Variants in CTNND2 observed in about 807,000 individuals in gnomAD.
CTNND2 encodes catenin delta 2, also known as catenin delta-2.
A neutral mutation model predicts 144.4 loss-of-function variants in CTNND2; 22 were observed. The ratio of observed to expected loss-of-function variants is 0.15; its 90% confidence interval spans 0.11 to 0.22. CTNND2 has a LOEUF of 0.22. Among genes scored for constraint, CTNND2 ranks in the 10% least tolerant of loss-of-function variants. The probability of loss-of-function intolerance (pLI) is 1.00; values close to 1 mark genes in which losing one functional copy is unlikely to be tolerated. For synonymous variants in CTNND2, 751 were observed against 695.6 expected (o/e 1.08, Z -1.25); for missense variants, 1,353 against 1,618.8 (o/e 0.84, Z 2.82).
chr5:11,628,918 C>T (rs1388292208), intron 2 of CTNND2, among the ~76,000 whole-genome samples: 1 of 152,036 alleles, frequency 6.6e-6, no homozygotes, highest in Non-Finnish European at 1.5e-5. Context: ...CAAAAGCTGG[C>T]AGGAAAAACT....
At chr5:11,601,172 A>G (rs1298433139) in intron 2 of CTNND2, among the ~76,000 whole-genome samples, 1 of 152,234 alleles carries the variant, frequency 6.6e-6, no homozygotes, top group Non-Finnish European at 1.5e-5. Flanking sequence ...GAACATGCAT[A>G]TGCATATTTC....
At chr5:11,563,192 G>T (rs1453985077) in intron 3 of CTNND2, among the ~76,000 whole-genome samples, 1 of 152,214 alleles carries the variant, frequency 6.6e-6, no homozygotes, top group Non-Finnish European at 1.5e-5. Context: ...AGGGGCTGGA[G>T]TTGCATGAAA....
intron 9 of CTNND2, among the ~76,000 whole-genome samples, chr5:11,258,885 A>G (rs886328578): frequency 7.9e-5 from 12 of 152,218 alleles, no homozygotes; most frequent in African/African-American, 2.9e-4. Context: ...CACAGAAAAG[A>G]TCAGCTAATT....
chr5:11,814,346 A>G (rs1792512570), intron 1 of CTNND2, among the ~76,000 whole-genome samples: 1 of 152,270 alleles, frequency 6.6e-6, no homozygotes, highest in Non-Finnish European at 1.5e-5. Flanking sequence ...CAGTGGACAA[A>G]CATCTAATTA....
At chr5:11,094,437 C>A (rs1751117078) in intron 15 of CTNND2, among the ~76,000 whole-genome samples, 1 of 151,764 alleles carries the variant, frequency 6.6e-6, no homozygotes, top group African/African-American at 2.4e-5. Context: ...TATCTACTCT[C>A]CCTCCTTATG....
Position 11,497,372 on chromosome 5 carries a change from G to A in CTNND2, c.287+67572C>T, listed in dbSNP as rs369372289. Among the ~76,000 whole-genome samples, 6 of 152,088 alleles carry A rather than the reference G, an allele frequency of 3.9e-5. No individual in the cohort carries two copies. The East Asian group carries it at 7.7e-4, about 20-fold the overall frequency. On this transcript the variant is annotated intron_variant, in intron 3 of 21. Transcript: ENST00000304623. ...ACGATGCAAATAGAAATTATGATGG[G>A]TGCTGCAGGAAGGAGTAGGGAGCTG...
In CTNND2 at chr5:11,366,591, A is replaced by T. The variant is rs576898387; in HGVS notation, c.1178-1701T>A. Among the ~76,000 whole-genome samples, 16 of 152,334 alleles carry T rather than the reference A, an allele frequency of 1.1e-4. No homozygotes were observed. In the East Asian group the frequency reaches 2.3e-3, roughly 22 times the overall value. ...TCAAGCTTAAATTTTCCAGGAATAT[A>T]TTTAAGTACAGTATGCTTTGAGTTC... On this transcript the variant is annotated intron_variant, in intron 7 of 21. Coordinates refer to ENST00000304623, the MANE Select transcript of CTNND2 (RefSeq NM_001332.4).
At position 11,129,155 on chromosome 5, in the gene CTNND2, A is replaced by AT. The variant is rs1561352762; in HGVS notation, c.2160-11589_2160-11588insA. 7.6e-4 allele frequency among the ~76,000 whole-genome samples: 13 copies of AT among 17,162 alleles called. 2 individuals are homozygous for AT. Among genetic ancestry groups the AT allele is most frequent in the Non-Finnish European group, 1.2e-3 (10 of 8,636 alleles). The allele number at this position is 17,162 out of a possible 152,430, so 11.3% of individuals were successfully genotyped here. ...TTTATATATATTATATATAAAATATACATATATTATATATTATATATTTTA... is the reference window on the plus strand; with the variant it reads ...TTTATATATATTATATATAAAATATATCATATATTATATATTATATATTTTA... On this transcript the variant is annotated intron_variant, in intron 12 of 21. Transcript: ENST00000304623.
At chr5:10,975,108 G>A (rs1233063168) in intron 21 of CTNND2, among the ~76,000 whole-genome samples, 1 of 152,184 alleles carries the variant, frequency 6.6e-6, no homozygotes, top group Non-Finnish European at 1.5e-5. Context: ...TGGAATGAAT[G>A]TGCAACATCT....
At chr5:11,172,273 C>G (rs775378607) in intron 11 of CTNND2, among the ~76,000 whole-genome samples, 2 of 152,084 alleles carry the variant, frequency 1.3e-5, no homozygotes, top group Non-Finnish European at 2.9e-5. Context: ...CTTTAACTGA[C>G]TTCACCAACA....
intron 1 of CTNND2, among the ~76,000 whole-genome samples, chr5:11,845,801 C>G (rs753556575): frequency 2.0e-5 from 3 of 152,144 alleles, no homozygotes; most frequent in Non-Finnish European, 2.9e-5. Context: ...AGTAAGATAT[C>G]AAGGCTAAGA....
chr5:10,991,231 A>G (rs1005571198), intron 19 of CTNND2, among the ~76,000 whole-genome samples: 1 of 152,242 alleles, frequency 6.6e-6, no homozygotes, highest in Admixed American at 6.5e-5. Flanking sequence ...TCATGTTGAC[A>G]GTAAAGTCTG....
chr5:11,063,132 G>A (rs1747186136), intron 16 of CTNND2, among the ~76,000 whole-genome samples: 1 of 151,984 alleles, frequency 6.6e-6, no homozygotes, highest in Non-Finnish European at 1.5e-5. Flanking sequence ...GAATCAAGTA[G>A]CATTACTATA....
At chr5:11,096,823 G>A (rs1561296680) in intron 15 of CTNND2, among the ~76,000 whole-genome samples, 1 of 151,990 alleles carries the variant, frequency 6.6e-6, no homozygotes, top group Non-Finnish European at 1.5e-5. Context: ...GAGAGAGAGA[G>A]AAACAACATC....
intron 20 of CTNND2, among the ~76,000 whole-genome samples, chr5:10,987,230 G>A (rs1179011686): frequency 6.6e-6 from 1 of 152,210 alleles, no homozygotes; most frequent in Non-Finnish European, 1.5e-5. Flanking sequence ...GGCCATCCAG[G>A]GAGAGGGTGA....
At chr5:11,836,185 A>G (rs1794165135) in intron 1 of CTNND2, among the ~76,000 whole-genome samples, 1 of 152,214 alleles carries the variant, frequency 6.6e-6, no homozygotes, top group African/African-American at 2.4e-5. Flanking sequence ...TCAAGAACAG[A>G]GCAAAATGTT....
At chr5:11,297,066 T>A (rs1202708435) in intron 9 of CTNND2, among the ~76,000 whole-genome samples, 1 of 152,180 alleles carries the variant, frequency 6.6e-6, no homozygotes, top group Non-Finnish European at 1.5e-5. Flanking sequence ...TAAAATACAT[T>A]GTATAATGAA....
At chr5:11,670,125 T>C (rs1367530439) in intron 2 of CTNND2, among the ~76,000 whole-genome samples, 1 of 152,252 alleles carries the variant, frequency 6.6e-6, no homozygotes, top group Admixed American at 6.5e-5. Flanking sequence ...CAGTTTGTTA[T>C]GATTTCCATT....
chr5:11,316,697 T>A (rs1462479712), intron 9 of CTNND2, among the ~76,000 whole-genome samples: 1 of 147,956 alleles, frequency 6.8e-6, no homozygotes, highest in Non-Finnish European at 1.5e-5. Flanking sequence ...TGTGTCCATG[T>A]GTTCCCATTG....
Sources: allele counts gnomAD v4.1 joint callset (sites outside exome capture counted in the v4.1 genomes callset), GRCh38; gene constraint gnomAD v4.1.1; transcripts MANE v1.5; gene names NCBI Gene and HGNC (gene_info 2026-07-23, HGNC 2026-07-21).